Variants in PDE5A observed in about 807,000 individuals in gnomAD.
The protein encoded by PDE5A is phosphodiesterase 5A, also known as cGMP-specific 3',5'-cyclic phosphodiesterase.
Under a neutral mutation model 110.2 loss-of-function variants are expected in PDE5A, and 67 were observed. The observed-to-expected ratio is 0.61, with a 90% CI of 0.50 to 0.75. The LOEUF is 0.75. Among genes scored for constraint, PDE5A ranks in the 30% least tolerant of loss-of-function variants. The probability of loss-of-function intolerance (pLI) is 0.00; values close to 1 mark genes in which losing one functional copy is unlikely to be tolerated. For missense variants in PDE5A, 862 were observed against 1,045.1 expected (o/e 0.82, Z 2.42); for synonymous variants, 328 against 351.2 (o/e 0.93, Z 0.74).
At position 119,606,726 on chromosome 4, in the gene PDE5A, T is replaced by C. The variant is rs1290946441; in HGVS notation, c.724A>G (p.Ile242Val). 1 of 1,613,754 alleles carries C rather than the reference T, an allele frequency of 6.2e-7. No homozygotes were observed. The highest frequency in any genetic ancestry group is 8.5e-7 in the Non-Finnish European group (1 of 1,179,680). ...HVAALGEPLN[I>V]KDAYEDPRFN... Reference sequence around the variant, plus strand: ...CTGTTTACCTCATATGCATCTTTGATGTTCAAGGGCTCACCAAGCGCTGCC... The same window carrying C: ...CTGTTTACCTCATATGCATCTTTGACGTTCAAGGGCTCACCAAGCGCTGCC... The change falls in exon 2 of 21, where the codon ATC becomes GTC. Residue 242 changes from isoleucine to valine, a missense_variant. By Grantham distance (29) the Ile-to-Val change is conservative. Transcript: ENST00000354960.
At chr4:119,554,452 G>A (rs890266483) in intron 7 of PDE5A, among the ~76,000 whole-genome samples, 8 of 152,146 alleles carry the variant, frequency 5.3e-5, no homozygotes, top group Admixed American at 5.2e-4. Context: ...TCTGATGCCA[G>A]GGGGTACAGT....
chr4:119,498,600 C>T lies in PDE5A; in HGVS notation c.*1G>A, dbSNP rs368288083. 1.9e-6 allele frequency: 3 copies of T among 1,613,924 alleles called. No individual in the cohort carries two copies. The highest frequency in any genetic ancestry group is 2.5e-6 in the Non-Finnish European group (3 of 1,179,868). On this transcript the variant is annotated 3_prime_UTR_variant, in exon 21 of 21. Coordinates refer to ENST00000354960, the MANE Select transcript of PDE5A (RefSeq NM_001083.4). ...CTTCAACTCTGCATGAAATAGGCCA[C>T]TCAGTTCCGCTTGGCCTGGCCGCTT... is the stretch of plus-strand genomic sequence containing the variant.
chr4:119,559,453 G>A (rs970273391), intron 7 of PDE5A, among the ~76,000 whole-genome samples: 1 of 152,056 alleles, frequency 6.6e-6, no homozygotes, highest in Non-Finnish European at 1.5e-5. Context: ...GTCCCATGGA[G>A]GTAAAGGTAA....
chr4:119,542,893 C>T (rs113413352), intron 9 of PDE5A, among the ~76,000 whole-genome samples: 4 of 152,012 alleles, frequency 2.6e-5, no homozygotes, highest in African/African-American at 7.3e-5. Flanking sequence ...GACTCGGTCA[C>T]GAATTTTAGA....
At chr4:119,610,491 C>T (rs912377881) in intron 1 of PDE5A, among the ~76,000 whole-genome samples, 5 of 151,976 alleles carry the variant, frequency 3.3e-5, no homozygotes, top group South Asian at 2.1e-4. Context: ...ATCTTCTCAA[C>T]GGGAAATGGA....
At chr4:119,512,129 G>C (rs2110462772) in intron 14 of PDE5A, among the ~76,000 whole-genome samples, 1 of 152,180 alleles carries the variant, frequency 6.6e-6, no homozygotes, top group Middle Eastern at 3.4e-3. Flanking sequence ...GTTGAAGATA[G>C]AGAAGCTACC....
intron 15 of PDE5A, among the ~76,000 whole-genome samples, chr4:119,510,400 C>T (rs1417419987): frequency 6.6e-6 from 1 of 151,940 alleles, no homozygotes; most frequent in East Asian, 1.9e-4. Context: ...TTAAAACTTT[C>T]ATTTTTTCTT....
chr4:119,512,860 G>A (rs61747388), intron 14 of PDE5A: 23,421 of 152,054 alleles, frequency 0.15, 1,919 homozygotes, highest in Middle Eastern at 0.2. Context: ...TCAGTTCTGG[G>A]CTGGAGATAT....
chr4:119,540,185 A>C (rs935381359), intron 10 of PDE5A, among the ~76,000 whole-genome samples: 6 of 152,178 alleles, frequency 3.9e-5, no homozygotes, highest in African/African-American at 1.4e-4. Flanking sequence ...CAAAAGCTTA[A>C]AAAGCATTGA....
chr4:119,592,832 A>C (rs1729026437), intron 3 of PDE5A, among the ~76,000 whole-genome samples: 1 of 152,164 alleles, frequency 6.6e-6, no homozygotes, highest in South Asian at 2.1e-4. Flanking sequence ...AGTCACCACA[A>C]GGTAAAACAG....
chr4:119,560,859 C>T (rs1474314889), intron 6 of PDE5A, among the ~76,000 whole-genome samples: 2 of 152,184 alleles, frequency 1.3e-5, no homozygotes, highest in African/African-American at 4.8e-5. Flanking sequence ...GTGGTTCATG[C>T]CTATAATCCC....
chr4:119,545,145 T>C (rs1464345998), intron 9 of PDE5A, among the ~76,000 whole-genome samples: 1 of 152,150 alleles, frequency 6.6e-6, no homozygotes, highest in East Asian at 1.9e-4. Flanking sequence ...ATAATCCCAT[T>C]GATCTCTTTA....
chr4:119,597,786 T>A (rs560706911), intron 2 of PDE5A, among the ~76,000 whole-genome samples: 1 of 152,212 alleles, frequency 6.6e-6, no homozygotes, highest in Non-Finnish European at 1.5e-5. Context: ...TACACTAGAT[T>A]CCATCAATTG....
intron 11 of PDE5A, among the ~76,000 whole-genome samples, chr4:119,530,840 G>A (rs1022719983): frequency 8.6e-5 from 13 of 151,950 alleles, no homozygotes; most frequent in East Asian, 1.9e-4. Context: ...ATACTATGGC[G>A]GAAACAACCA....
intron 18 of PDE5A, 151 bp from the exon 19 acceptor site, chr4:119,502,806 C>T: frequency 1.7e-6 from 1 of 592,718 alleles, no homozygotes; most frequent in Non-Finnish European, 3.0e-6. Context: ...TAGTCCATGT[C>T]CAAAGCGTGC....
chr4:119,560,294 A>T lies in PDE5A; in HGVS notation c.1199+2T>A, dbSNP rs756008194. 2 of 1,550,794 alleles carry T rather than the reference A, an allele frequency of 1.3e-6. No individual in the cohort carries two copies. The highest frequency in any genetic ancestry group is 1.8e-6 in the Non-Finnish European group (2 of 1,134,284). ...AGACAAGTAGAGAATACGTGCTTTT[A>T]CCTTGTTAATGTATCAGATGATTTT... On this transcript the variant is annotated splice_donor_variant, in intron 7 of 20. Coordinates refer to ENST00000354960, the MANE Select transcript of PDE5A (RefSeq NM_001083.4). LOFTEE classifies it high-confidence loss of function.
At chr4:119,623,375 C>G (rs1483823209) in intron 1 of PDE5A, among the ~76,000 whole-genome samples, 1 of 152,114 alleles carries the variant, frequency 6.6e-6, no homozygotes, top group African/African-American at 2.4e-5. Context: ...TTTAATTGTC[C>G]TACAGTCCTT....
chr4:119,592,212 T>A (rs563493327), intron 3 of PDE5A, among the ~76,000 whole-genome samples: 1 of 147,160 alleles, frequency 6.8e-6, no homozygotes, highest in Non-Finnish European at 1.5e-5. Context: ...TCCCAGCATT[T>A]TGGGAGGCTG....
chr4:119,569,882 T>C (rs905541405), intron 3 of PDE5A: 3 of 152,318 alleles, frequency 2.0e-5, no homozygotes, highest in African/African-American at 7.2e-5. Context: ...TGTGCATAGG[T>C]TTTATGCAAA....
Sources: allele counts gnomAD v4.1 joint callset (sites outside exome capture counted in the v4.1 genomes callset), GRCh38; gene constraint gnomAD v4.1.1; transcripts MANE v1.5; gene names NCBI Gene and HGNC (gene_info 2026-07-23, HGNC 2026-07-21).